Variants in GRIA2 observed in about 807,000 individuals in gnomAD.
GRIA2 encodes the protein glutamate ionotropic receptor AMPA type subunit 2.
GRIA2 carries 14 observed loss-of-function variants against 97.3 expected under a neutral mutation model. The observed-to-expected ratio is 0.14, with a 90% CI of 0.10 to 0.23. The LOEUF is 0.23. Ranked by LOEUF, GRIA2 falls within the 10% of genes least tolerant of loss-of-function variation. GRIA2 has a pLI of 1.00. For missense variants in GRIA2, 558 were observed against 1,069.8 expected (o/e 0.52, Z 6.67); for synonymous variants, 412 against 387.8 (o/e 1.06, Z -0.73).
intron 2 of GRIA2, among the ~76,000 whole-genome samples, chr4:157,244,707 G>A (rs1730652949): frequency 6.6e-6 from 1 of 151,896 alleles, no homozygotes; most frequent in Non-Finnish European, 1.5e-5. Context: ...CTCTTACTTA[G>A]CACTGAAACT....
chr4:157,308,070 A>G (rs1007171722), intron 3 of GRIA2, among the ~76,000 whole-genome samples: 1 of 152,220 alleles, frequency 6.6e-6, no homozygotes, highest in Admixed American at 6.5e-5. Flanking sequence ...AATAAAATGT[A>G]TATTTTGGCA....
At chr4:157,332,745 A>T in intron 6 of GRIA2, 74 bp from the exon 7 acceptor site, 1 of 1,025,914 alleles carries the variant, frequency 9.7e-7, no homozygotes, top group South Asian at 1.5e-5. Context: ...GAGCAACTGC[A>T]GTCTTGATTG....
intron 4 of GRIA2, among the ~76,000 whole-genome samples, chr4:157,316,040 T>A (rs1339915890): frequency 6.6e-6 from 1 of 152,162 alleles, no homozygotes; most frequent in Non-Finnish European, 1.5e-5. Context: ...AATTTTCATA[T>A]CCTTCCTTTC....
chr4:157,293,283 A>C (rs2126840855), intron 2 of GRIA2, among the ~76,000 whole-genome samples: 1 of 152,320 alleles, frequency 6.6e-6, no homozygotes, highest in East Asian at 1.9e-4. Flanking sequence ...TGTAATCACA[A>C]AACTCTGAAC....
intron 7 of GRIA2, 56 bp downstream of exon 7, chr4:157,333,042 TC>T: frequency 7.4e-7 from 1 of 1,347,504 alleles, no homozygotes; most frequent in African/African-American, 1.5e-5. Flanking sequence ...AATGTTTTCT[TC>T]CTGCTAAATT....
intron 3 of GRIA2, among the ~76,000 whole-genome samples, chr4:157,310,420 G>A (rs1237054997): frequency 1.3e-5 from 2 of 151,930 alleles, no homozygotes; most frequent in Non-Finnish European, 2.9e-5. Flanking sequence ...TAATGTTTAT[G>A]TTAAAATATT....
At chr4:157,355,652 ATT>A (rs58724632) in intron 12 of GRIA2, among the ~76,000 whole-genome samples, 1,210 of 108,706 alleles carry the variant, frequency 0.011, no homozygotes, top group Middle Eastern at 0.033. Context: ...TTATTTATAT[ATT>A]TATTTATATT....
At chr4:157,328,448 C>T (rs1734905908) in intron 6 of GRIA2, among the ~76,000 whole-genome samples, 1 of 151,962 alleles carries the variant, frequency 6.6e-6, no homozygotes, top group African/African-American at 2.4e-5. Context: ...GAAACTGAAT[C>T]CTAAATTACT....
intron 2 of GRIA2, among the ~76,000 whole-genome samples, chr4:157,254,613 C>T (rs1457637197): frequency 2.0e-5 from 3 of 151,894 alleles, no homozygotes; most frequent in Non-Finnish European, 4.4e-5. Flanking sequence ...AAGAAACTGT[C>T]AAATTGATAA....
At chr4:157,308,477 A>G (rs1056795589) in intron 3 of GRIA2, among the ~76,000 whole-genome samples, 1 of 135,870 alleles carries the variant, frequency 7.4e-6, no homozygotes, top group Admixed American at 7.1e-5. Flanking sequence ...TTTTAAATAT[A>G]TTTACCAGGA....
chr4:157,355,600 A>ATATTTCTATATATT (rs1736221291), intron 12 of GRIA2, among the ~76,000 whole-genome samples: 1 of 102,614 alleles, frequency 9.7e-6, no homozygotes, highest in Non-Finnish European at 1.8e-5. Flanking sequence ...ATTTATATAT[A>ATATTTCTATATATT]TATTTATATA....
In GRIA2 at chr4:157,321,456, C is replaced by G. The variant is rs1734562238; in HGVS notation, c.739C>G (p.Leu247Val). ...TGTTTAGGGATTTACTGATGGAGAC[C>G]TATTAAAAATCCAGTTTGGAGGTGC... ...IANLGFTDGD[L>V]LKIQFGGANV... The change falls in exon 6 of 16, where the codon CTA becomes GTA. Residue 247 changes from leucine (L) to valine (V), a missense_variant. Physicochemically the swap from Leu to Val is conservative, Grantham distance 32. This residue lies in a region of GRIA2 where 173 missense variants were observed against 209.1 expected (regional missense o/e 0.83). Transcript: ENST00000264426. 6.2e-7 allele frequency: 1 copy of G among 1,610,264 alleles called. No homozygotes were observed.
chr4:157,236,846 G>A lies in GRIA2; in HGVS notation c.229+15039G>A, dbSNP rs190029977. Among the ~76,000 whole-genome samples the A allele has an allele frequency of 3.3e-5, 5 of 152,116 alleles. No individual in the cohort carries two copies. In the East Asian group the frequency reaches 9.6e-4, roughly 29 times the overall value. ...TCTTTTGGGTTGTTGGTCTATTTAT[G>A]GGTGAGTCTACTTATTATTATTTGA... On this transcript the variant is annotated intron_variant, in intron 2 of 15. Coordinates refer to ENST00000264426, the MANE Select transcript of GRIA2 (RefSeq NM_001083619.3).
At chr4:157,319,321 T>C (rs947493750) in intron 5 of GRIA2, among the ~76,000 whole-genome samples, 1 of 152,132 alleles carries the variant, frequency 6.6e-6, no homozygotes, top group Non-Finnish European at 1.5e-5. Context: ...TATTTGAACA[T>C]TGAGAAATAA....
chr4:157,350,931 C>CTTTTTTTTTTTTTTTTTTTTTTTTTTTT (rs1240937135), intron 12 of GRIA2, among the ~76,000 whole-genome samples: 1 of 117,534 alleles, frequency 8.5e-6, no homozygotes, highest in Non-Finnish European at 1.8e-5. Context: ...TTAGTTTTTT[C>CTTTTTTTTTTTTTTTTTTTTTTTTTTTT]TTTTTTTTTT....
chr4:157,354,358 G>C (rs956809269), intron 12 of GRIA2, among the ~76,000 whole-genome samples: 3 of 152,116 alleles, frequency 2.0e-5, no homozygotes, highest in African/African-American at 7.2e-5. Context: ...TTATTCAGGC[G>C]TGCTTAATTT....
At chr4:157,312,911 T>C (rs1157766618) in intron 4 of GRIA2, 36 bp downstream of exon 4, 3 of 1,223,044 alleles carry the variant, frequency 2.5e-6, no homozygotes, top group Admixed American at 4.1e-5. Context: ...ATGCCAGATA[T>C]AGAATATGCA....
chr4:157,353,423 C>A, intron 12 of GRIA2, among the ~76,000 whole-genome samples: 1 of 151,998 alleles, frequency 6.6e-6, no homozygotes. Context: ...GTAATCCCAG[C>A]ACTTTGGGAG....
chr4:157,332,041 A>C (rs991048936), intron 6 of GRIA2, among the ~76,000 whole-genome samples: 1 of 152,068 alleles, frequency 6.6e-6, no homozygotes, highest in Non-Finnish European at 1.5e-5. Flanking sequence ...GTCAAAATGT[A>C]GTTAATCATT....
Sources: allele counts gnomAD v4.1 joint callset (sites outside exome capture counted in the v4.1 genomes callset), GRCh38; gene constraint gnomAD v4.1.1; regional missense constraint gnomAD v4.1.1; transcripts MANE v1.5; gene names NCBI Gene and HGNC (gene_info 2026-07-23, HGNC 2026-07-21).